Variants in ERBB4 observed in about 807,000 individuals in gnomAD.
The protein encoded by ERBB4 is erb-b2 receptor tyrosine kinase 4, also known as receptor tyrosine-protein kinase erbB-4.
In ERBB4, 42 loss-of-function variants were observed where a neutral mutation model predicts 158.0. The observed-to-expected ratio is 0.27, with a 90% CI of 0.21 to 0.34. The LOEUF is 0.34. Among genes scored for constraint, ERBB4 ranks in the 10% least tolerant of loss-of-function variants. ERBB4 has a pLI of 1.00. For synonymous variants in ERBB4, 583 were observed against 558.7 expected (o/e 1.04, Z -0.61); for missense variants, 1,333 against 1,624.1 (o/e 0.82, Z 3.08).
chr2:212,344,641 T>A (rs983081050), intron 1 of ERBB4, among the ~76,000 whole-genome samples: 1 of 152,052 alleles, frequency 6.6e-6, no homozygotes, highest in Non-Finnish European at 1.5e-5. Context: ...TATCAATGCA[T>A]CAGGTAATAG....
chr2:211,878,294 T>A (rs2078565197), intron 3 of ERBB4, among the ~76,000 whole-genome samples: 1 of 152,148 alleles, frequency 6.6e-6, no homozygotes, highest in Non-Finnish European at 1.5e-5. Flanking sequence ...CCTTTAGGCC[T>A]AAACAACTAA....
intron 2 of ERBB4, among the ~76,000 whole-genome samples, chr2:212,081,059 C>T (rs1274480088): frequency 6.6e-6 from 1 of 152,146 alleles, no homozygotes; most frequent in African/African-American, 2.4e-5. Context: ...CTGTCAATAG[C>T]ACAGAAGCCC....
At chr2:211,968,552 T>C (rs149622624) in intron 2 of ERBB4, among the ~76,000 whole-genome samples, 1,526 of 152,166 alleles carry the variant, frequency 0.01, 12 homozygotes, top group Non-Finnish European at 0.015. Flanking sequence ...ACAACTATTA[T>C]TTAATCCAAT....
chr2:212,331,420 A>G (rs1298849682), intron 1 of ERBB4, among the ~76,000 whole-genome samples: 1 of 151,820 alleles, frequency 6.6e-6, no homozygotes, highest in African/African-American at 2.4e-5. Context: ...AACTGTACAC[A>G]CTCAAAATAT....
At chr2:212,427,326 T>G (rs1051316705) in intron 1 of ERBB4, among the ~76,000 whole-genome samples, 1 of 152,116 alleles carries the variant, frequency 6.6e-6, no homozygotes, top group Non-Finnish European at 1.5e-5. Flanking sequence ...AGATGACAGT[T>G]TATCATATTG....
chr2:212,286,611 T>TG (rs1559928878), intron 1 of ERBB4, among the ~76,000 whole-genome samples: 18 of 136,106 alleles, frequency 1.3e-4, no homozygotes, highest in South Asian at 2.4e-4. Context: ...TTTTTTTTTT[T>TG]TTTTTTTTTG....
At chr2:211,447,126 C>T (rs1311076500) in intron 20 of ERBB4, among the ~76,000 whole-genome samples, 1 of 152,114 alleles carries the variant, frequency 6.6e-6, no homozygotes, top group Non-Finnish European at 1.5e-5. Flanking sequence ...TTATTTGAAT[C>T]ATAACTTCTA....
chr2:211,605,711 A>C (rs1210408814), intron 19 of ERBB4, among the ~76,000 whole-genome samples: 1 of 152,178 alleles, frequency 6.6e-6, no homozygotes, highest in Non-Finnish European at 1.5e-5. Context: ...CTAAGTCATT[A>C]TTATGTTTAT....
chr2:212,134,207 TA>T (rs1162424551), intron 1 of ERBB4, among the ~76,000 whole-genome samples: 1 of 152,118 alleles, frequency 6.6e-6, no homozygotes, highest in African/African-American at 2.4e-5. Flanking sequence ...TTTTTAATCT[TA>T]TTAGGGTAAA....
intron 25 of ERBB4, among the ~76,000 whole-genome samples, chr2:211,413,655 G>A (rs1165266011): frequency 6.6e-6 from 1 of 151,952 alleles, no homozygotes; most frequent in African/African-American, 2.4e-5. Flanking sequence ...TCCTTAACTT[G>A]TGTCCATAGG....
chr2:211,543,181 CT>C (rs957753930), intron 20 of ERBB4, among the ~76,000 whole-genome samples: 3 of 151,752 alleles, frequency 2.0e-5, no homozygotes, highest in African/African-American at 4.8e-5. Flanking sequence ...GTTTATCAGC[CT>C]TTTTCGCACT....
intron 19 of ERBB4, among the ~76,000 whole-genome samples, chr2:211,586,554 T>A (rs1225568398): frequency 6.6e-6 from 1 of 152,208 alleles, no homozygotes; most frequent in Non-Finnish European, 1.5e-5. Context: ...TACTTCCTTT[T>A]ACTTCTGCCC....
chr2:211,871,156 GAA>G (rs908533333), intron 3 of ERBB4, among the ~76,000 whole-genome samples: 8 of 152,064 alleles, frequency 5.3e-5, no homozygotes, highest in Non-Finnish European at 1.0e-4. Context: ...CATAACACCA[GAA>G]AAGAGGATAA....
chr2:211,856,398 T>TTATTTATCTATCTATC (rs1553646934), intron 3 of ERBB4, among the ~76,000 whole-genome samples: 1 of 145,226 alleles, frequency 6.9e-6, no homozygotes, highest in African/African-American at 2.6e-5. Context: ...ATTTATTTAT[T>TTATTTATCTATCTATC]TATCTGAGAT....
At chr2:212,449,818 A>G (rs2092419210) in intron 1 of ERBB4, among the ~76,000 whole-genome samples, 1 of 151,380 alleles carries the variant, frequency 6.6e-6, no homozygotes, top group African/African-American at 2.4e-5. Context: ...ACAAATTTTT[A>G]AATTATAATT....
intron 19 of ERBB4, among the ~76,000 whole-genome samples, chr2:211,586,924 T>C (rs572247524): frequency 1.7e-4 from 26 of 152,286 alleles, no homozygotes; most frequent in Non-Finnish European, 3.1e-4. Flanking sequence ...AAAATATATA[T>C]TGAAGTCCTA....
intron 1 of ERBB4, among the ~76,000 whole-genome samples, chr2:212,128,323 C>T (rs921998624): frequency 2.0e-5 from 3 of 152,134 alleles, no homozygotes; most frequent in African/African-American, 2.4e-5. Flanking sequence ...GTAAGTTTGG[C>T]CAGTGGACTA....
chr2:211,810,493 T>C (rs1229651037), intron 3 of ERBB4, among the ~76,000 whole-genome samples: 1 of 152,142 alleles, frequency 6.6e-6, no homozygotes, highest in Non-Finnish European at 1.5e-5. Context: ...GTCTGTTTTG[T>C]CAGAGACTAG....
chr2:211,676,433 T>C (rs954082851), intron 13 of ERBB4, among the ~76,000 whole-genome samples: 14 of 152,224 alleles, frequency 9.2e-5, no homozygotes, highest in African/African-American at 3.4e-4. Context: ...CCTGTATTTT[T>C]CTTTTGGTTA....
Sources: gnomAD v4.1 joint callset for allele counts (sites outside exome capture counted in the v4.1 genomes callset) on GRCh38, gnomAD v4.1.1 for gene constraint, MANE v1.5 for transcripts, NCBI Gene and HGNC (gene_info 2026-07-23, HGNC 2026-07-21) for gene names.